Variants in CSMD3 observed in about 807,000 individuals in gnomAD.
The protein encoded by CSMD3 is CUB and Sushi multiple domains 3, also known as CUB and sushi domain-containing protein 3.
CSMD3 carries 177 observed loss-of-function variants against 435.2 expected under a neutral mutation model. The ratio of observed to expected loss-of-function variants is 0.41; its 90% CI spans 0.36 to 0.46. The LOEUF is 0.46. Among genes scored for constraint, CSMD3 ranks in the 20% least tolerant of loss-of-function variants. CSMD3 has a pLI of 0.34. For synonymous variants in CSMD3, 1,656 were observed against 1,520.5 expected (o/e 1.09, Z -2.07); for missense variants, 4,265 against 4,504.6 (o/e 0.95, Z 1.52).
At chr8:112,605,106 C>T (rs1053038915) in intron 22 of CSMD3, among the ~76,000 whole-genome samples, 1 of 151,994 alleles carries the variant, frequency 6.6e-6, no homozygotes, top group Admixed American at 6.6e-5. Flanking sequence ...GCCAGAATAG[C>T]TATTAATAAA....
intron 10 of CSMD3, among the ~76,000 whole-genome samples, chr8:112,904,651 G>T (rs1006132408): frequency 2.0e-5 from 3 of 151,328 alleles, no homozygotes; most frequent in African/African-American, 7.3e-5. Context: ...ATTAGCTGAA[G>T]TGATCAATGA....
Position 113,098,742 on chromosome 8 carries a change from A to C in CSMD3, c.917+14T>G. ...ACAACATCAATGCAAGGTTAATAGA[A>C]GCTATTTACTTACCATATGGTAGGT... is the stretch of plus-strand genomic sequence containing the variant. On this transcript the variant is annotated intron_variant, in intron 5 of 70. Transcript: ENST00000297405. 3 of 1,535,652 alleles carry C rather than the reference A, an allele frequency of 2.0e-6. No homozygotes were observed. The highest frequency in any genetic ancestry group is 2.7e-6 in the Non-Finnish European group (3 of 1,109,276).
chr8:113,337,039 TTC>T (rs1394794151), intron 1 of CSMD3, among the ~76,000 whole-genome samples: 6 of 152,132 alleles, frequency 3.9e-5, no homozygotes, highest in African/African-American at 1.2e-4. Context: ...TTTTTTGTCT[TTC>T]TGTGTTTCCA....
At chr8:112,625,743 A>T in intron 22 of CSMD3, among the ~76,000 whole-genome samples, 1 of 152,128 alleles carries the variant, frequency 6.6e-6, no homozygotes, top group East Asian at 1.9e-4. Flanking sequence ...TAGCCAGAAA[A>T]GTAGTTTGGG....
chr8:112,342,987 T>A (rs371447166), intron 41 of CSMD3, among the ~76,000 whole-genome samples: 160 of 47,298 alleles, frequency 3.4e-3, no homozygotes, highest in African/African-American at 6.4e-3. Context: ...ATATATATAT[T>A]TATATATATA....
At chr8:112,747,978 A>G (rs1027223099) in intron 13 of CSMD3, among the ~76,000 whole-genome samples, 1 of 151,710 alleles carries the variant, frequency 6.6e-6, no homozygotes, top group African/African-American at 2.4e-5. Context: ...AAAAAAAAAA[A>G]AAAAAAAACA....
At chr8:112,740,785 G>A (rs2077288545) in intron 13 of CSMD3, among the ~76,000 whole-genome samples, 1 of 151,812 alleles carries the variant, frequency 6.6e-6, no homozygotes, top group South Asian at 2.1e-4. Flanking sequence ...AGTAGTATAA[G>A]TTCTTCACAC....
intron 59 of CSMD3, among the ~76,000 whole-genome samples, chr8:112,269,418 G>T (rs376766152): frequency 6.6e-5 from 10 of 152,160 alleles, no homozygotes; most frequent in East Asian, 5.8e-4. Context: ...GATGTTGGGG[G>T]TTGGTCCTTT....
At chr8:112,297,399 G>GGA (rs1820416832) in intron 53 of CSMD3, among the ~76,000 whole-genome samples, 5 of 151,726 alleles carry the variant, frequency 3.3e-5, no homozygotes, top group Admixed American at 1.3e-4. Context: ...ATGATTATCT[G>GGA]GGATTTATCC....
chr8:112,425,420 C>G (rs1383342225), intron 32 of CSMD3, among the ~76,000 whole-genome samples: 2 of 152,030 alleles, frequency 1.3e-5, no homozygotes, highest in African/African-American at 4.8e-5. Context: ...CTAAAGGAAG[C>G]CTATTGTCTT....
chr8:112,828,562 C>T (rs1378814381), intron 12 of CSMD3, among the ~76,000 whole-genome samples: 2 of 152,122 alleles, frequency 1.3e-5, no homozygotes, highest in African/African-American at 4.8e-5. Context: ...CCGAGGTCTC[C>T]CAGTCATGCT....
At chr8:113,121,070 C>T (rs892394047) in intron 4 of CSMD3, among the ~76,000 whole-genome samples, 1 of 152,090 alleles carries the variant, frequency 6.6e-6, no homozygotes, top group Non-Finnish European at 1.5e-5. Context: ...ACAGTGCTAA[C>T]ATTTGCATAA....
chr8:112,246,649 A>C (rs530482643), intron 64 of CSMD3, among the ~76,000 whole-genome samples: 2 of 152,292 alleles, frequency 1.3e-5, no homozygotes, highest in African/African-American at 4.8e-5. Flanking sequence ...TAATATTTTC[A>C]CAAGCGATTT....
chr8:113,284,928 C>T (rs1295943065), intron 2 of CSMD3, among the ~76,000 whole-genome samples: 1 of 152,118 alleles, frequency 6.6e-6, no homozygotes, highest in Non-Finnish European at 1.5e-5. Flanking sequence ...GAAGAAATCA[C>T]AGCTCAGGAA....
At chr8:112,284,902 T>G (rs1019350) in intron 58 of CSMD3, among the ~76,000 whole-genome samples, 35,794 of 151,822 alleles carry the variant, frequency 0.24, 4,398 homozygotes, top group East Asian at 0.36. Context: ...CCGCACACAA[T>G]AATTTTATAT....
rs956528314 is a variant in CSMD3, at chr8:112,319,025, G to C, written c.7247-75C>G. On this transcript the variant is annotated intron_variant, in intron 46 of 70. Coordinates refer to ENST00000297405, the MANE Select transcript of CSMD3 (RefSeq NM_198123.2). ...AAAATAAACAAATATTTCAATTGTA[G>C]GAGAATATTTTCTCCTTTAGTTATT... 9.2e-6 allele frequency: 8 copies of C among 867,946 alleles called. No homozygotes were observed. In the Admixed American group the frequency reaches 1.2e-4, roughly 14 times the overall value. The allele number at this position is 867,946 out of a possible 1,614,324, so 53.8% of individuals were successfully genotyped here. A position where few individuals can be genotyped will look rare whatever the true frequency, so the allele number is the denominator to read the frequency against.
At chr8:112,851,146 C>A (rs556442498) in intron 11 of CSMD3, among the ~76,000 whole-genome samples, 1 of 152,078 alleles carries the variant, frequency 6.6e-6, no homozygotes, top group Non-Finnish European at 1.5e-5. Flanking sequence ...CATCAGTGCT[C>A]TCAAGAGCTG....
At chr8:112,983,632 C>G (rs2085135656) in intron 6 of CSMD3, among the ~76,000 whole-genome samples, 1 of 150,582 alleles carries the variant, frequency 6.6e-6, no homozygotes, top group Non-Finnish European at 1.5e-5. Flanking sequence ...TACAAAAATA[C>G]TTGGGGAAAT....
intron 32 of CSMD3, among the ~76,000 whole-genome samples, chr8:112,420,633 T>C (rs575775214): frequency 1.3e-5 from 2 of 152,292 alleles, no homozygotes; most frequent in East Asian, 1.9e-4. Context: ...ATGAGTCTTT[T>C]AAAGCAGAGA....
Sources: gnomAD v4.1 joint callset for allele counts (sites outside exome capture counted in the v4.1 genomes callset) on GRCh38, gnomAD v4.1.1 for gene constraint, MANE v1.5 for transcripts, NCBI Gene and HGNC (gene_info 2026-07-23, HGNC 2026-07-21) for gene names.